The following KLHL15 variants were observed in gnomAD, a reference collection of about 807,000 sequenced individuals.
KLHL15 encodes kelch like family member 15.
Under a neutral mutation model 29.3 loss-of-function variants are expected in KLHL15, and 1 was observed. The ratio of observed to expected loss-of-function variants is 0.03; its 90% CI spans 0.01 to 0.16. The LOEUF (loss-of-function observed/expected upper bound fraction) is 0.16, where lower values mean the gene tolerates loss of function less well. KLHL15 is among the 10% of genes least tolerant of loss of function. The pLI, the probability that KLHL15 is intolerant of heterozygous loss-of-function variation, is 1.00. For missense variants in KLHL15, 215 were observed against 478.5 expected, an observed-to-expected ratio of 0.45 and a Z score of 5.14; for synonymous variants, 212 against 184.5, an observed-to-expected ratio of 1.15 and a Z score of -1.21.
chrX:24,023,323 A>G (rs1404671244), intron 2 of KLHL15, among the ~76,000 whole-genome samples: 1 of 111,798 alleles, frequency 8.9e-6, no homozygotes, highest in Non-Finnish European at 1.9e-5. Flanking sequence ...TGATAAATCC[A>G]ATCTATAAAA....
chrX:24,004,929 A>C (rs1409074494), intron 3 of KLHL15, among the ~76,000 whole-genome samples: 1 of 111,800 alleles, frequency 8.9e-6, no homozygotes, highest in African/African-American at 3.2e-5. Flanking sequence ...GGAAAAAAAA[A>C]TATGTCAGGC....
chrX:24,022,105 G>C (rs1929817413), intron 2 of KLHL15, among the ~76,000 whole-genome samples: 1 of 110,358 alleles, frequency 9.1e-6, no homozygotes, highest in South Asian at 3.8e-4. Flanking sequence ...TTGGGAGACC[G>C]AGGCGGGCGG....
chrX:23,994,198 G>C (rs935687025), intron 3 of KLHL15, among the ~76,000 whole-genome samples: 13 of 112,106 alleles, frequency 1.2e-4, no homozygotes, highest in Admixed American at 9.5e-5. Context: ...GGGATCCAAA[G>C]GGAGAATGGT....
intron 2 of KLHL15, among the ~76,000 whole-genome samples, chrX:24,016,719 C>T (rs1411132989): frequency 9.0e-6 from 1 of 111,066 alleles, no homozygotes; most frequent in Non-Finnish European, 1.9e-5. Context: ...CAGGTTGCTG[C>T]GATAATAAAG....
intron 3 of KLHL15, among the ~76,000 whole-genome samples, chrX:24,004,286 G>A (rs770787040): frequency 9.0e-6 from 1 of 111,159 alleles, no homozygotes; most frequent in African/African-American, 3.3e-5. Flanking sequence ...AACCCAGGAG[G>A]TGGAGGCTGC....
intron 3 of KLHL15, among the ~76,000 whole-genome samples, chrX:24,005,564 C>T (rs1929429932): frequency 9.0e-6 from 1 of 111,456 alleles, no homozygotes; most frequent in African/African-American, 3.3e-5. Flanking sequence ...TTAATGTATA[C>T]CATGCAGAAC....
chrX:24,001,504 CA>C (rs1323007283), intron 3 of KLHL15, among the ~76,000 whole-genome samples: 5 of 110,474 alleles, frequency 4.5e-5, no homozygotes, highest in African/African-American at 1.6e-4. Flanking sequence ...CTTTTATGTA[CA>C]AAAAAAGTCA....
At chrX:24,023,923 G>A (rs1011196883) in intron 2 of KLHL15, among the ~76,000 whole-genome samples, 2 of 112,297 alleles carry the variant, frequency 1.8e-5, no homozygotes, top group Non-Finnish European at 3.8e-5. Context: ...CAAGCATCCT[G>A]CTCCCTAGAT....
At chrX:23,994,921 C>T (rs147391632) in intron 3 of KLHL15, among the ~76,000 whole-genome samples, 1,954 of 111,242 alleles carry the variant, frequency 0.018, 51 homozygotes, top group African/African-American at 0.06. Context: ...AAGTGATCTT[C>T]CCACCTCGGC....
At chrX:23,994,593 TTATC>T (rs1192098955) in intron 3 of KLHL15, among the ~76,000 whole-genome samples, 1 of 111,827 alleles carries the variant, frequency 8.9e-6, no homozygotes, top group African/African-American at 3.2e-5. Context: ...ACATAACAGT[TTATC>T]TGTGTATCAG....
intron 3 of KLHL15, among the ~76,000 whole-genome samples, chrX:24,000,715 C>G (rs1329153292): frequency 9.0e-6 from 1 of 111,701 alleles, no homozygotes; most frequent in Non-Finnish European, 1.9e-5. Flanking sequence ...GTTTCCTGGA[C>G]AGAAATTTTG....
chrX:23,988,630 C>T lies in KLHL15; in HGVS notation c.1106G>A (p.Arg369His). Residue 369 changes from arginine (R) to histidine (H), a missense_variant, in exon 4 of 4, where the codon CGC becomes CAC. Physicochemically the swap from Arg to His is conservative, Grantham distance 29. Transcript: ENST00000328046. ...AATAACACCTACAGCAAATTCAGAG[C>T]GTGGTACAGACATATCTGCCATCTG... ...WLQMADMSVP[R>H]SEFAVGVIGK... 1 of 1,211,178 alleles carries T rather than the reference C, an allele frequency of 8.3e-7. No individual in the cohort carries two copies. The highest frequency in any genetic ancestry group is 1.1e-6 in the Non-Finnish European group (1 of 895,279).
intron 2 of KLHL15, among the ~76,000 whole-genome samples, chrX:24,023,848 G>A (rs1929863754): frequency 1.8e-5 from 2 of 112,131 alleles, no homozygotes; most frequent in Non-Finnish European, 3.8e-5. Flanking sequence ...ATCTATTAAG[G>A]ATTACTGAAA....
intron 3 of KLHL15, among the ~76,000 whole-genome samples, chrX:23,993,509 C>A (rs964228246): frequency 6.3e-5 from 7 of 111,119 alleles, no homozygotes; most frequent in Non-Finnish European, 1.3e-4. Flanking sequence ...AAGGTCTAAT[C>A]ATAAAGAAAA....
chrX:24,008,119 A>G (rs1929492149), intron 2 of KLHL15, among the ~76,000 whole-genome samples: 1 of 112,364 alleles, frequency 8.9e-6, no homozygotes. Context: ...TGTAATGCTT[A>G]TATATTTAAA....
chrX:23,992,888 T>C (rs1929113184), intron 3 of KLHL15, among the ~76,000 whole-genome samples: 1 of 112,122 alleles, frequency 8.9e-6, no homozygotes, highest in African/African-American at 3.2e-5. Context: ...TGAATAAGGC[T>C]AAAGCCTCAG....
chrX:23,987,396 T>A lies in KLHL15; in HGVS notation c.*525A>T, dbSNP rs1793244085. 8.9e-6 allele frequency: 1 copy of A among 112,507 alleles called. No individual in the cohort carries two copies. Among genetic ancestry groups the A allele is most frequent in the African/African-American group, 3.2e-5 (1 of 30,966 alleles). The allele number at this position is 112,507 out of a possible 1,213,427, so 9.3% of individuals were successfully genotyped here. On this transcript the variant is annotated 3_prime_UTR_variant, in exon 4 of 4. Coordinates refer to ENST00000328046, the MANE Select transcript of KLHL15 (RefSeq NM_030624.3). ...GAGAAGGCAGCTTAGAAATAGTGTT[T>A]TGAATATAAAAAGTTAATTTTGTAG...
At chrX:24,025,438 G>T (rs1199190274) in intron 1 of KLHL15, among the ~76,000 whole-genome samples, 1 of 105,725 alleles carries the variant, frequency 9.5e-6, no homozygotes, top group East Asian at 3.1e-4. Context: ...GCCGCCCGGG[G>T]CCCGCCCAGG....
chrX:24,001,697 G>A (rs752474450), intron 3 of KLHL15, among the ~76,000 whole-genome samples: 20 of 104,840 alleles, frequency 1.9e-4, no homozygotes, highest in African/African-American at 3.1e-4. Context: ...CCAGCTACTC[G>A]GGAGGCTGAG....
Sources: allele counts gnomAD v4.1 joint callset (sites outside exome capture counted in the v4.1 genomes callset), GRCh38; gene constraint gnomAD v4.1.1; transcripts MANE v1.5; gene names NCBI Gene and HGNC (gene_info 2026-07-23, HGNC 2026-07-21).